Variants in LRRC4C observed in about 807,000 individuals in gnomAD.
The protein encoded by LRRC4C is leucine rich repeat containing 4C, also known as leucine-rich repeat-containing protein 4C.
A neutral mutation model predicts 33.6 loss-of-function variants in LRRC4C; 5 were observed. The ratio of observed to expected loss-of-function variants is 0.15; its 90% CI spans 0.08 to 0.31. The LOEUF is 0.31. Ranked by LOEUF, LRRC4C falls within the 10% of genes least tolerant of loss-of-function variation. The pLI is 1.00. For synonymous variants in LRRC4C, 329 were observed against 302.0 expected, an observed-to-expected ratio of 1.09 and a Z score of -0.93; for missense variants, 560 against 796.7, an observed-to-expected ratio of 0.70 and a Z score of 3.58.
chr11:40,143,379 A>AC (rs1554955722), intron 5 of LRRC4C, among the ~76,000 whole-genome samples: 1 of 151,550 alleles, frequency 6.6e-6, no homozygotes, highest in African/African-American at 2.4e-5. Flanking sequence ...GCCAGTCATA[A>AC]TTTTTTTTTC....
At chr11:41,022,328 A>T (rs1253317579) in intron 1 of LRRC4C, among the ~76,000 whole-genome samples, 8 of 150,390 alleles carry the variant, frequency 5.3e-5, no homozygotes, top group African/African-American at 9.9e-5. Context: ...ACTTTAGAAT[A>T]AAAAAAAGAA....
chr11:40,616,550 C>T (rs1005026569), intron 3 of LRRC4C, among the ~76,000 whole-genome samples: 30 of 151,606 alleles, frequency 2.0e-4, no homozygotes, highest in African/African-American at 6.8e-4. Flanking sequence ...GAAAATGTGG[C>T]ACATATACAC....
intron 4 of LRRC4C, among the ~76,000 whole-genome samples, chr11:40,283,349 C>A (rs1339429004): frequency 1.3e-5 from 2 of 151,966 alleles, no homozygotes; most frequent in African/African-American, 4.8e-5. Flanking sequence ...TATATAAAAT[C>A]ATTTGATTTA....
intron 5 of LRRC4C, among the ~76,000 whole-genome samples, chr11:40,223,353 A>T (rs1864553155): frequency 6.6e-6 from 1 of 152,152 alleles, no homozygotes; most frequent in Non-Finnish European, 1.5e-5. Flanking sequence ...GCAAGAGATC[A>T]TGAGGGCTAG....
intron 1 of LRRC4C, among the ~76,000 whole-genome samples, chr11:41,262,207 A>G (rs1311811020): frequency 6.6e-6 from 1 of 152,062 alleles, no homozygotes; most frequent in Non-Finnish European, 1.5e-5. Flanking sequence ...GTTTGAAAAA[A>G]ATTAAAAAAT....
At chr11:41,313,010 T>A (rs1453417901) in intron 1 of LRRC4C, among the ~76,000 whole-genome samples, 2 of 152,226 alleles carry the variant, frequency 1.3e-5, no homozygotes, top group African/African-American at 4.8e-5. Context: ...AAGGCAGTAA[T>A]TAACTTTACC....
chr11:40,567,546 A>C (rs1957814088), intron 3 of LRRC4C, among the ~76,000 whole-genome samples: 1 of 152,220 alleles, frequency 6.6e-6, no homozygotes, highest in African/African-American at 2.4e-5. Flanking sequence ...GATGGGATTC[A>C]GGTATTTCAG....
chr11:41,148,043 G>C (rs1400684392), intron 1 of LRRC4C, among the ~76,000 whole-genome samples: 1 of 152,032 alleles, frequency 6.6e-6, no homozygotes, highest in Non-Finnish European at 1.5e-5. Context: ...TTTTGAGACA[G>C]AGTCTCACTT....
intron 1 of LRRC4C, among the ~76,000 whole-genome samples, chr11:41,331,571 G>T (rs2137375931): frequency 6.6e-6 from 1 of 152,254 alleles, no homozygotes; most frequent in Middle Eastern, 3.4e-3. Flanking sequence ...TAGACATCTT[G>T]CTGTTTCTTA....
intron 3 of LRRC4C, among the ~76,000 whole-genome samples, chr11:40,532,319 GC>G (rs1956302881): frequency 6.6e-6 from 1 of 151,952 alleles, no homozygotes; most frequent in African/African-American, 2.4e-5. Context: ...ACATGGAACA[GC>G]GGTGATTGTG....
At chr11:40,725,913 T>C (rs73473307) in intron 2 of LRRC4C, among the ~76,000 whole-genome samples, 6,372 of 152,156 alleles carry the variant, frequency 0.042, 443 homozygotes, top group African/African-American at 0.15. Context: ...TTTCTACTTA[T>C]GTGTGAGCCA....
chr11:40,497,724 C>A (rs1954539479), intron 3 of LRRC4C, among the ~76,000 whole-genome samples: 1 of 152,128 alleles, frequency 6.6e-6, no homozygotes, highest in Admixed American at 6.5e-5. Flanking sequence ...GTGCTCTTAA[C>A]ACCTGGGATT....
chr11:40,589,739 C>T (rs1334550929), intron 3 of LRRC4C, among the ~76,000 whole-genome samples: 1 of 151,096 alleles, frequency 6.6e-6, no homozygotes, highest in Non-Finnish European at 1.5e-5. Flanking sequence ...ACTTATGAAA[C>T]TTAGTTTGGC....
At chr11:41,252,530 C>T (rs1948673222) in intron 1 of LRRC4C, among the ~76,000 whole-genome samples, 1 of 152,064 alleles carries the variant, frequency 6.6e-6, no homozygotes, top group African/African-American at 2.4e-5. Context: ...CCAAGAAGAA[C>T]ATTAAAGTCT....
chr11:40,376,721 ATG>A (rs61662311), intron 3 of LRRC4C, among the ~76,000 whole-genome samples: 5,389 of 147,084 alleles, frequency 0.037, 295 homozygotes, highest in African/African-American at 0.12. Flanking sequence ...GTGTGTGCTT[ATG>A]TGTGTGTGTG....
chr11:40,433,846 AG>A (rs1245850252), intron 3 of LRRC4C, among the ~76,000 whole-genome samples: 2 of 152,170 alleles, frequency 1.3e-5, no homozygotes, highest in Non-Finnish European at 1.5e-5. Flanking sequence ...AATGAGGAGA[AG>A]AAAGCATTTA....
intron 4 of LRRC4C, among the ~76,000 whole-genome samples, chr11:40,271,904 G>A (rs922521281): frequency 6.6e-6 from 1 of 152,012 alleles, no homozygotes; most frequent in African/African-American, 2.4e-5. Flanking sequence ...GGCCACTTGT[G>A]GTATCTCCCA....
intron 2 of LRRC4C, among the ~76,000 whole-genome samples, chr11:40,696,672 C>A (rs1170873152): frequency 6.9e-6 from 1 of 145,148 alleles, no homozygotes; most frequent in African/African-American, 2.5e-5. Flanking sequence ...CCCCCAGCAG[C>A]CAATAAAACA....
intron 1 of LRRC4C, among the ~76,000 whole-genome samples, chr11:41,048,521 C>T (rs1857966215): frequency 6.6e-6 from 1 of 152,018 alleles, no homozygotes; most frequent in South Asian, 2.1e-4. Flanking sequence ...CCTCGGTCTC[C>T]CAAAGTGCTG....
Sources: allele counts gnomAD v4.1 joint callset (sites outside exome capture counted in the v4.1 genomes callset), GRCh38; gene constraint gnomAD v4.1.1; transcripts MANE v1.5; gene names NCBI Gene and HGNC (gene_info 2026-07-23, HGNC 2026-07-21).